Variants in GALNTL6 observed in about 807,000 individuals in gnomAD.
GALNTL6 encodes the protein polypeptide N-acetylgalactosaminyltransferase like 6, also known as polypeptide N-acetylgalactosaminyltransferase-like 6.
In GALNTL6, 46 loss-of-function variants were observed where a neutral mutation model predicts 73.7. The ratio of observed to expected loss-of-function variants is 0.62; its 90% CI spans 0.49 to 0.80. The LOEUF (loss-of-function observed/expected upper bound fraction) is 0.80. Ranked by LOEUF, GALNTL6 falls within the 30% of genes least tolerant of loss-of-function variation. The probability of loss-of-function intolerance (pLI) is 0.00; values close to 1 mark genes in which losing one functional copy is unlikely to be tolerated. For synonymous variants in GALNTL6, 259 were observed against 263.7 expected (o/e 0.98, Z 0.17); for missense variants, 604 against 755.0 (o/e 0.80, Z 2.34).
At chr4:172,580,649 C>T (rs1737144482) in intron 5 of GALNTL6, among the ~76,000 whole-genome samples, 1 of 152,128 alleles carries the variant, frequency 6.6e-6, no homozygotes, top group Non-Finnish European at 1.5e-5. Flanking sequence ...TTCTTTGTAG[C>T]CCCCCAGAAT....
chr4:172,842,800 G>T (rs1019666132), intron 7 of GALNTL6, among the ~76,000 whole-genome samples: 1 of 151,294 alleles, frequency 6.6e-6, no homozygotes, highest in African/African-American at 2.4e-5. Flanking sequence ...TTCACCTTGG[G>T]AAATACAAAA....
chr4:172,960,529 C>T (rs533670873), intron 10 of GALNTL6, among the ~76,000 whole-genome samples: 3 of 151,928 alleles, frequency 2.0e-5, no homozygotes, highest in South Asian at 2.1e-4. Context: ...AAAGACTCAG[C>T]GACGCTTGGG....
intron 1 of GALNTL6, among the ~76,000 whole-genome samples, 166 bp from the exon 2 acceptor site, chr4:171,814,246 A>G (rs1734460826): frequency 6.6e-6 from 1 of 151,984 alleles, no homozygotes; most frequent in South Asian, 2.1e-4. Context: ...CTTTTTTATA[A>G]CTTACCTTTA....
intron 5 of GALNTL6, among the ~76,000 whole-genome samples, chr4:172,762,681 A>G (rs1399249232): frequency 6.6e-6 from 1 of 151,942 alleles, no homozygotes; most frequent in African/African-American, 2.4e-5. Flanking sequence ...CTTGCACATT[A>G]TAACATGTCC....
chr4:172,344,335 T>A (rs1741668125), intron 4 of GALNTL6, among the ~76,000 whole-genome samples: 1 of 152,174 alleles, frequency 6.6e-6, no homozygotes, highest in Non-Finnish European at 1.5e-5. Context: ...ACTTCTTGAA[T>A]CCAATGCCTG....
At chr4:171,852,002 C>A (rs1735535872) in intron 2 of GALNTL6, among the ~76,000 whole-genome samples, 1 of 152,158 alleles carries the variant, frequency 6.6e-6, no homozygotes, top group East Asian at 1.9e-4. Flanking sequence ...CAAGTAAATT[C>A]ATGCTGAAAT....
intron 10 of GALNTL6, among the ~76,000 whole-genome samples, chr4:172,995,748 T>C (rs1751747267): frequency 6.6e-6 from 1 of 152,232 alleles, no homozygotes; most frequent in Admixed American, 6.5e-5. Context: ...CCTAAGTTAC[T>C]TCTTATAACT....
chr4:172,202,850 C>A (rs1034297830), intron 2 of GALNTL6, among the ~76,000 whole-genome samples: 4 of 151,906 alleles, frequency 2.6e-5, no homozygotes, highest in African/African-American at 9.7e-5. Flanking sequence ...ATGATTTCTA[C>A]ATGAAAGTTA....
chr4:172,407,737 CAT>C (rs1579044447), intron 5 of GALNTL6, among the ~76,000 whole-genome samples: 2 of 152,078 alleles, frequency 1.3e-5, no homozygotes, highest in East Asian at 3.9e-4. Flanking sequence ...TTGAAGTAAC[CAT>C]ATACATCATT....
intron 3 of GALNTL6, among the ~76,000 whole-genome samples, chr4:172,299,521 C>T (rs545498600): frequency 6.6e-6 from 1 of 152,104 alleles, no homozygotes; most frequent in African/African-American, 2.4e-5. Flanking sequence ...ATAAATTTCC[C>T]TCTACACACT....
intron 2 of GALNTL6, among the ~76,000 whole-genome samples, chr4:172,029,724 G>T (rs1006894830): frequency 6.6e-6 from 1 of 152,004 alleles, no homozygotes; most frequent in African/African-American, 2.4e-5. Context: ...AAAAGAACAT[G>T]TAAGAGAAAA....
chr4:172,474,843 C>A (rs779376122), intron 5 of GALNTL6, among the ~76,000 whole-genome samples: 1 of 152,242 alleles, frequency 6.6e-6, no homozygotes, highest in East Asian at 1.9e-4. Flanking sequence ...TATTTTTGCA[C>A]TGTATTCCTT....
intron 2 of GALNTL6, among the ~76,000 whole-genome samples, chr4:171,885,392 C>A (rs970486613): frequency 1.3e-5 from 2 of 152,136 alleles, no homozygotes; most frequent in African/African-American, 4.8e-5. Flanking sequence ...CAGAGTTAAT[C>A]TTGATATTTA....
At chr4:172,058,953 T>G (rs750234851) in intron 2 of GALNTL6, among the ~76,000 whole-genome samples, 3 of 152,198 alleles carry the variant, frequency 2.0e-5, no homozygotes, top group South Asian at 4.1e-4. Context: ...TAAAATTTTC[T>G]ATTGAGATGT....
chr4:172,672,356 G>A (rs1295161814), intron 5 of GALNTL6, among the ~76,000 whole-genome samples: 1 of 152,178 alleles, frequency 6.6e-6, no homozygotes, highest in East Asian at 1.9e-4. Flanking sequence ...CAGGAATAAA[G>A]CCTACTTAAT....
chr4:172,322,846 G>GA lies in GALNTL6; in HGVS notation c.386+11103dup, dbSNP rs544223967. On this transcript the variant is annotated intron_variant, in intron 4 of 12. Coordinates refer to ENST00000506823, the MANE Select transcript of GALNTL6 (RefSeq NM_001034845.3). The stretch of plus-strand genomic sequence containing the variant: ...GCCAAATCATATCAATGGAGAATAA[G>GA]AAAAAAAAAGAATGAAGAAAAATAA... 6.5e-3 allele frequency among the ~76,000 whole-genome samples: 969 copies of GA among 149,274 alleles called. 9 individuals carry two copies. The highest frequency in any genetic ancestry group is 0.031 in the Middle Eastern group (9 of 288).
At chr4:172,683,244 T>C (rs891307186) in intron 5 of GALNTL6, among the ~76,000 whole-genome samples, 2 of 152,184 alleles carry the variant, frequency 1.3e-5, no homozygotes, top group African/African-American at 2.4e-5. Flanking sequence ...CTGAAATTTC[T>C]TGGATCATTG....
At chr4:172,958,928 G>T (rs545073099) in intron 10 of GALNTL6, among the ~76,000 whole-genome samples, 3 of 152,310 alleles carry the variant, frequency 2.0e-5, no homozygotes, top group South Asian at 2.1e-4. Context: ...GCACCATGGG[G>T]TGGATAGGCA....
chr4:172,720,564 A>G (rs769938418), intron 5 of GALNTL6, among the ~76,000 whole-genome samples: 14 of 152,216 alleles, frequency 9.2e-5, no homozygotes, highest in Non-Finnish European at 2.1e-4. Flanking sequence ...ACAAATATGC[A>G]GAATTTGTCC....
Sources: allele counts gnomAD v4.1 joint callset (sites outside exome capture counted in the v4.1 genomes callset), GRCh38; gene constraint gnomAD v4.1.1; transcripts MANE v1.5; gene names NCBI Gene and HGNC (gene_info 2026-07-23, HGNC 2026-07-21).